Variants in ZRANB3 observed in about 807,000 individuals in gnomAD.
The protein encoded by ZRANB3 is zinc finger RANBP2-type containing 3.
In ZRANB3, 125 loss-of-function variants were observed where a neutral mutation model predicts 133.8. The ratio of observed to expected loss-of-function variants is 0.93; its 90% CI spans 0.81 to 1.08. ZRANB3 has a LOEUF of 1.08. Ranked by LOEUF, ZRANB3 falls within the 50% of genes least tolerant of loss-of-function variation. The pLI is 0.00. For synonymous variants in ZRANB3, 387 were observed against 432.7 expected (o/e 0.89, Z 1.31); for missense variants, 1,229 against 1,275.5 (o/e 0.96, Z 0.56).
In ZRANB3 at chr2:135,322,414, T is replaced by C. The variant is rs138244963; in HGVS notation, c.678-6884A>G. 2.6e-3 allele frequency among the ~76,000 whole-genome samples: 399 copies of C among 152,298 alleles called. 1 individual carries two copies. The highest frequency in any genetic ancestry group is 8.7e-3 in the African/African-American group (363 of 41,578). ...ATCCACTGAACAATTTGAGGGAAAC[T>C]GCCATTTAAAAAATATTGAGGCCAG... On this transcript the variant is annotated intron_variant, in intron 6 of 20. Transcript: ENST00000264159.
intron 1 of ZRANB3, among the ~76,000 whole-genome samples, chr2:135,517,891 A>T (rs1373111224): frequency 6.6e-6 from 1 of 152,188 alleles, no homozygotes; most frequent in Non-Finnish European, 1.5e-5. Context: ...GCTCTGTCCC[A>T]GGAAGATGGG....
chr2:135,499,545 A>G (rs1692841562), intron 2 of ZRANB3, among the ~76,000 whole-genome samples: 1 of 152,218 alleles, frequency 6.6e-6, no homozygotes, highest in Non-Finnish European at 1.5e-5. Context: ...AACAGATAAG[A>G]AATGAACAGG....
At chr2:135,419,038 C>T (rs1159931154) in intron 2 of ZRANB3, among the ~76,000 whole-genome samples, 2 of 144,942 alleles carry the variant, frequency 1.4e-5, no homozygotes, top group African/African-American at 5.0e-5. Context: ...CCCGGGTTCA[C>T]GCCATTCTCC....
At chr2:135,419,676 G>T (rs926036130) in intron 2 of ZRANB3, among the ~76,000 whole-genome samples, 10 of 150,796 alleles carry the variant, frequency 6.6e-5, no homozygotes, top group African/African-American at 2.5e-4. Context: ...AAAGATAGTT[G>T]CTGGGCACAT....
rs530377936 is a variant in ZRANB3 at position 135,217,400 on chromosome 2, AC to A, written c.2495+64del. ...TTAGTGGTTCCAAAAGATGCCTCAG[AC>A]CCCCCTGTAGAAAGAACCATGAAAA... On this transcript the variant is annotated intron_variant, in intron 17 of 20. Coordinates refer to ENST00000264159, the MANE Select transcript of ZRANB3 (RefSeq NM_032143.4). 1,819 of 1,438,454 alleles carry A rather than the reference AC, an allele frequency of 1.3e-3. 13 individuals carry two copies. The highest frequency in any genetic ancestry group is 8.6e-3 in the African/African-American group (597 of 69,436). 89.1% of individuals were successfully genotyped at this position (1,438,454 alleles called of 1,614,324 possible).
intron 2 of ZRANB3, among the ~76,000 whole-genome samples, chr2:135,419,001 GATCTCGGCTCGCTGCAATCTC>G (rs1210151287): frequency 7.3e-6 from 1 of 136,944 alleles, no homozygotes; most frequent in African/African-American, 2.8e-5. Flanking sequence ...GCAGTGGTGC[GATCTCGGCTCGCTGCAATCTC>G]TGCCTCCCGG....
intron 3 of ZRANB3, among the ~76,000 whole-genome samples, chr2:135,357,101 T>A (rs193206358): frequency 2.0e-5 from 3 of 152,240 alleles, no homozygotes; most frequent in East Asian, 3.9e-4. Flanking sequence ...CTTGATGATG[T>A]TGTTGTTTTA....
chr2:135,236,962 C>T (rs543097880), intron 12 of ZRANB3, among the ~76,000 whole-genome samples: 44 of 152,090 alleles, frequency 2.9e-4, no homozygotes, highest in Admixed American at 2.7e-3. Flanking sequence ...AACTAAAGAG[C>T]TTCTGCACAG....
At chr2:135,395,728 G>A (rs1185345888) in intron 2 of ZRANB3, among the ~76,000 whole-genome samples, 1 of 152,094 alleles carries the variant, frequency 6.6e-6, no homozygotes, top group Non-Finnish European at 1.5e-5. Context: ...AAAGTGCTGG[G>A]ATTACAGGGG....
At chr2:135,274,496 G>A (rs1241196215) in intron 9 of ZRANB3, among the ~76,000 whole-genome samples, 1 of 151,978 alleles carries the variant, frequency 6.6e-6, no homozygotes, top group Admixed American at 6.5e-5. Flanking sequence ...AAAGTCTAAC[G>A]TTTAACTGTC....
At chr2:135,321,291 A>G (rs1319096624) in intron 6 of ZRANB3, among the ~76,000 whole-genome samples, 1 of 152,202 alleles carries the variant, frequency 6.6e-6, no homozygotes, top group Non-Finnish European at 1.5e-5. Flanking sequence ...GTTGTTCGGT[A>G]ACCTTGCCAC....
At chr2:135,243,909 C>G (rs1695665694) in intron 12 of ZRANB3, among the ~76,000 whole-genome samples, 1 of 151,868 alleles carries the variant, frequency 6.6e-6, no homozygotes, top group Non-Finnish European at 1.5e-5. Flanking sequence ...CATGAGCCAC[C>G]ATGCCCGGCC....
chr2:135,401,466 C>G (rs898620802), intron 2 of ZRANB3, among the ~76,000 whole-genome samples: 4 of 152,158 alleles, frequency 2.6e-5, no homozygotes, highest in African/African-American at 9.7e-5. Context: ...CTCCCCTTCC[C>G]CCTCACAAAC....
chr2:135,334,239 T>C (rs1375404350), intron 6 of ZRANB3, among the ~76,000 whole-genome samples: 2 of 152,186 alleles, frequency 1.3e-5, no homozygotes, highest in Non-Finnish European at 2.9e-5. Context: ...GTACTCTAAA[T>C]GCAGTCTAAT....
At chr2:135,475,514 A>G (rs548913079) in intron 2 of ZRANB3, among the ~76,000 whole-genome samples, 2 of 152,358 alleles carry the variant, frequency 1.3e-5, no homozygotes, top group East Asian at 1.9e-4. Context: ...ACCCATGATC[A>G]TAATGGTGGC....
chr2:135,238,151 G>C (rs1424903631), intron 12 of ZRANB3, among the ~76,000 whole-genome samples: 1 of 152,138 alleles, frequency 6.6e-6, no homozygotes, highest in Non-Finnish European at 1.5e-5. Context: ...GCTACAGTTA[G>C]GGCAAATTAA....
At chr2:135,230,194 T>A (rs1694934304) in intron 13 of ZRANB3, among the ~76,000 whole-genome samples, 1 of 152,216 alleles carries the variant, frequency 6.6e-6, no homozygotes, top group Non-Finnish European at 1.5e-5. Flanking sequence ...TAAGGCATAT[T>A]TGCTACCATA....
intron 5 of ZRANB3, among the ~76,000 whole-genome samples, chr2:135,347,037 A>G (rs1039328729): frequency 2.6e-5 from 4 of 152,206 alleles, no homozygotes; most frequent in African/African-American, 4.8e-5. Flanking sequence ...AGAATTATAC[A>G]ATATGTAGCC....
At chr2:135,280,829 C>T (rs1326124828) in intron 8 of ZRANB3, among the ~76,000 whole-genome samples, 1 of 152,172 alleles carries the variant, frequency 6.6e-6, no homozygotes, top group Non-Finnish European at 1.5e-5. Context: ...TAGTTAGGCT[C>T]CCCTGAGCCC....
Sources: gnomAD v4.1 joint callset for allele counts (sites outside exome capture counted in the v4.1 genomes callset) on GRCh38, gnomAD v4.1.1 for gene constraint, MANE v1.5 for transcripts, NCBI Gene and HGNC (gene_info 2026-07-23, HGNC 2026-07-21) for gene names.